Variants in SOX5 observed in about 807,000 individuals in gnomAD.
SOX5 encodes the protein SRY-box transcription factor 5, also known as transcription factor SOX-5.
A neutral mutation model predicts 92.0 loss-of-function variants in SOX5; 9 were observed. The observed-to-expected ratio is 0.10, with a 90% CI of 0.06 to 0.17. SOX5 has a LOEUF of 0.17. SOX5 is among the 10% of genes least tolerant of loss of function. The pLI, the probability that SOX5 is intolerant of heterozygous loss-of-function variation, is 1.00. For missense variants in SOX5, 642 were observed against 944.5 expected, an observed-to-expected ratio of 0.68 and a Z score of 4.20; for synonymous variants, 344 against 336.3, an observed-to-expected ratio of 1.02 and a Z score of -0.25.
chr12:24,014,498 A>C (rs1388614886), intron 4 of SOX5, among the ~76,000 whole-genome samples: 1 of 152,178 alleles, frequency 6.6e-6, no homozygotes, highest in Non-Finnish European at 1.5e-5. Flanking sequence ...GCAGCACCAC[A>C]CATGTCTGAA....
At chr12:24,006,521 C>T (rs975721780) in intron 4 of SOX5, among the ~76,000 whole-genome samples, 19 of 152,012 alleles carry the variant, frequency 1.2e-4, no homozygotes, top group Admixed American at 1.1e-3. Context: ...TTTTGTGTCT[C>T]GGGAGCTGGA....
In SOX5 at chr12:23,779,814, T is replaced by TATATATATATATATACAC. The variant is rs777013504; in HGVS notation, c.482-24091_482-24090insGTGTATATATATATATAT. On this transcript the variant is annotated intron_variant, in intron 3 of 14. Transcript: ENST00000451604. The stretch of plus-strand genomic sequence containing the variant: ...ATATATATATATATATATATATATA[T>TATATATATATATATACAC]ACACACACACACACACACACACACA... Among the ~76,000 whole-genome samples the TATATATATATATATACAC allele has an allele frequency of 2.3e-3, 260 of 110,730 alleles. 1 individual carries two copies. The highest frequency in any genetic ancestry group is 8.7e-3 in the African/African-American group (235 of 26,990). 72.6% of individuals were successfully genotyped at this position (110,730 alleles called of 152,430 possible).
chr12:24,493,721 G>A (rs149266975), intron 1 of SOX5, among the ~76,000 whole-genome samples: 2,767 of 152,110 alleles, frequency 0.018, 32 homozygotes, highest in Middle Eastern at 0.034. Flanking sequence ...AAAATTAGCC[G>A]GGTGTGGTGG....
intron 3 of SOX5, among the ~76,000 whole-genome samples, chr12:23,815,102 A>G (rs1235668411): frequency 3.9e-5 from 6 of 152,196 alleles, no homozygotes; most frequent in African/African-American, 1.4e-4. Context: ...CATTCCTGTT[A>G]GAATCAAAGA....
At chr12:23,860,914 T>C (rs1176997709) in intron 2 of SOX5, among the ~76,000 whole-genome samples, 1 of 144,800 alleles carries the variant, frequency 6.9e-6, no homozygotes, top group Non-Finnish European at 1.5e-5. Context: ...AGTTTATCGT[T>C]ATTTATAACT....
chr12:24,315,775 A>C (rs1595501239), intron 2 of SOX5, among the ~76,000 whole-genome samples: 1 of 152,242 alleles, frequency 6.6e-6, no homozygotes, highest in East Asian at 1.9e-4. Context: ...AGTTCAGATA[A>C]AAACCATCCT....
At chr12:23,810,629 A>C (rs2095860236) in intron 3 of SOX5, among the ~76,000 whole-genome samples, 1 of 152,196 alleles carries the variant, frequency 6.6e-6, no homozygotes, top group Non-Finnish European at 1.5e-5. Flanking sequence ...TCCTAGAAGG[A>C]CAGAGGGGCT....
intron 2 of SOX5, among the ~76,000 whole-genome samples, chr12:24,353,505 C>CA: frequency 6.6e-6 from 1 of 151,968 alleles, no homozygotes. Flanking sequence ...AAAGAGAATG[C>CA]AAAGTGAGGG....
At chr12:23,548,528 AC>A (rs139583502) in intron 11 of SOX5, among the ~76,000 whole-genome samples, 21,354 of 152,092 alleles carry the variant, frequency 0.14, 1,950 homozygotes, top group Non-Finnish European at 0.21. Flanking sequence ...ATTTAAGCTA[AC>A]AGACATGAGA....
At chr12:23,562,881 A>G (rs1946458287) in intron 11 of SOX5, among the ~76,000 whole-genome samples, 2 of 152,226 alleles carry the variant, frequency 1.3e-5, no homozygotes, top group Non-Finnish European at 2.9e-5. Context: ...ATATCATCCA[A>G]GCTTATGCTG....
At chr12:23,636,519 T>G (rs1335526853) in intron 8 of SOX5, among the ~76,000 whole-genome samples, 1 of 152,192 alleles carries the variant, frequency 6.6e-6, no homozygotes, top group African/African-American at 2.4e-5. Flanking sequence ...CAAAAGGTTA[T>G]TTCAAATGAA....
At chr12:23,602,507 G>A (rs141819658) in intron 9 of SOX5, among the ~76,000 whole-genome samples, 3 of 152,148 alleles carry the variant, frequency 2.0e-5, no homozygotes, top group South Asian at 2.1e-4. Context: ...TAAGTAATCT[G>A]GTGAGAAGGT....
At chr12:23,663,190 G>A (rs2083300083) in intron 7 of SOX5, among the ~76,000 whole-genome samples, 1 of 152,174 alleles carries the variant, frequency 6.6e-6, no homozygotes, top group South Asian at 2.1e-4. Flanking sequence ...CTTCTGCTTA[G>A]TTCTAGAGTT....
At chr12:23,988,229 A>T (rs1443656439) in intron 4 of SOX5, among the ~76,000 whole-genome samples, 1 of 152,200 alleles carries the variant, frequency 6.6e-6, no homozygotes, top group East Asian at 1.9e-4. Flanking sequence ...TATTTTGGCC[A>T]TGTAATACTT....
intron 6 of SOX5, among the ~76,000 whole-genome samples, chr12:23,669,008 ATTC>A (rs1233633136): frequency 2.6e-5 from 4 of 151,342 alleles, no homozygotes; most frequent in Admixed American, 2.0e-4. Context: ...TATTAAGTAG[ATTC>A]TTAAGATTAT....
At chr12:24,362,144 A>G (rs1955644895) in intron 2 of SOX5, among the ~76,000 whole-genome samples, 1 of 152,242 alleles carries the variant, frequency 6.6e-6, no homozygotes, top group South Asian at 2.1e-4. Flanking sequence ...CAGTGCCTAC[A>G]AATATAGAGA....
At chr12:23,620,239 C>T (rs766511716) in intron 8 of SOX5, among the ~76,000 whole-genome samples, 9 of 151,892 alleles carry the variant, frequency 5.9e-5, no homozygotes, top group Non-Finnish European at 8.8e-5. Flanking sequence ...GCCAGTGAGA[C>T]GCAGTGCAGT....
At chr12:23,654,569 G>A (rs2139138579) in intron 7 of SOX5, among the ~76,000 whole-genome samples, 1 of 152,002 alleles carries the variant, frequency 6.6e-6, no homozygotes, top group Admixed American at 6.6e-5. Flanking sequence ...GTTTCCTTAT[G>A]GCAATAAGTT....
rs191129560 is a variant in SOX5 at position 24,096,067 on chromosome 12, T to C, written c.-2+117276A>G. ...AACTGGAAGATTAATTGTGCTCATT[T>C]TTACTATTAACTTTTACTTTTTGTT... On this transcript the variant is annotated intron_variant, in intron 4 of 4. Transcript: ENST00000446891. Among the ~76,000 whole-genome samples the C allele has an allele frequency of 7.4e-4, 113 of 152,314 alleles. 1 individual carries two copies. The highest frequency in any genetic ancestry group is 4.4e-5 in the Non-Finnish European group (3 of 68,036).
Sources: allele counts gnomAD v4.1 joint callset (sites outside exome capture counted in the v4.1 genomes callset), GRCh38; gene constraint gnomAD v4.1.1; transcripts MANE v1.5; gene names NCBI Gene and HGNC (gene_info 2026-07-23, HGNC 2026-07-21).